The following CNTN5 variants were observed in gnomAD, a reference collection of about 807,000 sequenced individuals.
The protein encoded by CNTN5 is contactin-5.
A neutral mutation model predicts 129.1 loss-of-function variants in CNTN5; 77 were observed. The observed-to-expected ratio is 0.60, with a 90% CI of 0.50 to 0.72. The LOEUF (loss-of-function observed/expected upper bound fraction) is 0.72. CNTN5 is among the 30% of genes least tolerant of loss of function. The pLI is 0.00. For missense variants in CNTN5, 1,478 were observed against 1,328.8 expected (o/e 1.11, Z -1.75); for synonymous variants, 509 against 465.6 (o/e 1.09, Z -1.20).
In CNTN5 at chr11:99,070,927, A is replaced by G. The variant is rs556381524; in HGVS notation, c.-210+49657A>G. ...AGCTGACTCTCAACCTGGAATGAAC[A>G]TGCAAATCATCTGTAAATCTTTCTA... On this transcript the variant is annotated intron_variant, in intron 1 of 24. Transcript: ENST00000524871. 6.6e-5 allele frequency among the ~76,000 whole-genome samples: 10 copies of G among 152,300 alleles called. 1 individual carries two copies. The highest frequency in any genetic ancestry group is 1.9e-4 in the African/African-American group (8 of 41,572).
chr11:99,260,201 T>C (rs1862564654), intron 1 of CNTN5, among the ~76,000 whole-genome samples: 2 of 151,814 alleles, frequency 1.3e-5, no homozygotes, highest in Non-Finnish European at 2.9e-5. Flanking sequence ...TCTATTAATT[T>C]ATTGTTTACA....
At chr11:99,465,828 G>A (rs111470605) in intron 2 of CNTN5, among the ~76,000 whole-genome samples, 1,794 of 150,770 alleles carry the variant, frequency 0.012, 38 homozygotes, top group African/African-American at 0.041. Flanking sequence ...CATGTCTTAC[G>A]TGGCCGGAAC....
At chr11:99,985,070 G>A (rs140465693) in intron 8 of CNTN5, among the ~76,000 whole-genome samples, 83 of 152,170 alleles carry the variant, frequency 5.5e-4, no homozygotes, top group African/African-American at 1.5e-3. Context: ...TGACTTCTTC[G>A]CTCCACTACC....
chr11:99,322,313 T>C (rs1228707818), intron 1 of CNTN5, among the ~76,000 whole-genome samples: 1 of 152,258 alleles, frequency 6.6e-6, no homozygotes, highest in East Asian at 1.9e-4. Context: ...CGTCTTCTTA[T>C]AAGAGCACCA....
At chr11:99,495,420 A>G (rs1946188571) in intron 2 of CNTN5, among the ~76,000 whole-genome samples, 1 of 152,148 alleles carries the variant, frequency 6.6e-6, no homozygotes, top group African/African-American at 2.4e-5. Flanking sequence ...AAACTAAGCC[A>G]TTTGCCGTGT....
chr11:99,916,790 T>C (rs1949801251), intron 7 of CNTN5, among the ~76,000 whole-genome samples: 1 of 152,096 alleles, frequency 6.6e-6, no homozygotes, highest in Non-Finnish European at 1.5e-5. Flanking sequence ...TAATTTGAGA[T>C]GAGTACTCCT....
intron 6 of CNTN5, among the ~76,000 whole-genome samples, chr11:99,893,001 G>A (rs1341716042): frequency 2.0e-5 from 3 of 152,052 alleles, no homozygotes; most frequent in East Asian, 3.9e-4. Context: ...TATTGCATGA[G>A]CATTAAGTGC....
intron 3 of CNTN5, among the ~76,000 whole-genome samples, chr11:99,744,463 G>C (rs1259038691): frequency 6.7e-6 from 1 of 149,054 alleles, no homozygotes; most frequent in African/African-American, 2.5e-5. Flanking sequence ...CACTTTGGAG[G>C]GTGAGGCAAC....
chr11:99,902,306 C>A (rs1252856376), intron 6 of CNTN5, among the ~76,000 whole-genome samples: 2 of 150,200 alleles, frequency 1.3e-5, no homozygotes, highest in Non-Finnish European at 3.0e-5. Flanking sequence ...CACTTCATCA[C>A]ATGTTAAAAT....
intron 1 of CNTN5, among the ~76,000 whole-genome samples, chr11:99,158,362 C>G (rs572542666): frequency 9.2e-4 from 140 of 152,248 alleles, no homozygotes; most frequent in Non-Finnish European, 1.7e-3. Context: ...ACAGCTCTCT[C>G]CCTCTCTCGT....
chr11:99,102,754 C>T (rs992092360), intron 1 of CNTN5, among the ~76,000 whole-genome samples: 3 of 152,172 alleles, frequency 2.0e-5, no homozygotes, highest in African/African-American at 7.2e-5. Context: ...AATTTTATCA[C>T]ATTTTTCTGT....
At chr11:99,728,648 C>G (rs1001604418) in intron 3 of CNTN5, among the ~76,000 whole-genome samples, 4 of 152,168 alleles carry the variant, frequency 2.6e-5, no homozygotes, top group Non-Finnish European at 2.9e-5. Flanking sequence ...TGCTTGTTCT[C>G]CTCAGATGGT....
At chr11:99,311,336 A>AATGT (rs1490806594) in intron 1 of CNTN5, among the ~76,000 whole-genome samples, 1 of 152,110 alleles carries the variant, frequency 6.6e-6, no homozygotes, top group African/African-American at 2.4e-5. Flanking sequence ...CAAATACTTT[A>AATGT]ATGTCCATAT....
In CNTN5 at chr11:99,644,815, A is replaced by AG. The variant is rs201375135; in HGVS notation, c.55+88548dup. On this transcript the variant is annotated intron_variant, in intron 3 of 24. Transcript: ENST00000524871. The stretch of plus-strand genomic sequence containing the variant: ...CTGATACTCAAAGAATAAACACTAA[A>AG]GGAACTATACAACAGGATTCCTTTT... 5.0e-3 allele frequency among the ~76,000 whole-genome samples: 761 copies of AG among 152,308 alleles called. 6 individuals carry two copies. Among genetic ancestry groups the AG allele is most frequent in the African/African-American group, 0.017 (710 of 41,566 alleles).
chr11:99,057,481 C>G (rs960184003), intron 1 of CNTN5, among the ~76,000 whole-genome samples: 1 of 151,756 alleles, frequency 6.6e-6, no homozygotes, highest in Non-Finnish European at 1.5e-5. Context: ...AAGAAAACTG[C>G]TTTATCCTAC....
At chr11:99,787,125 T>C (rs187101179) in intron 3 of CNTN5, among the ~76,000 whole-genome samples, 488 of 150,892 alleles carry the variant, frequency 3.2e-3, no homozygotes, top group African/African-American at 0.011. Flanking sequence ...TATTTATTAT[T>C]ATTATTATAC....
At chr11:99,256,861 G>T (rs1280459381) in intron 1 of CNTN5, among the ~76,000 whole-genome samples, 1 of 151,912 alleles carries the variant, frequency 6.6e-6, no homozygotes, top group African/African-American at 2.4e-5. Flanking sequence ...AATCACACAT[G>T]AACTCTCCTT....
At chr11:99,253,185 G>C (rs1274383225) in intron 1 of CNTN5, among the ~76,000 whole-genome samples, 1 of 151,976 alleles carries the variant, frequency 6.6e-6, no homozygotes, top group East Asian at 1.9e-4. Context: ...TAAGTCTCAC[G>C]AGATTTGTTG....
At chr11:99,423,545 G>T (rs907845523) in intron 2 of CNTN5, among the ~76,000 whole-genome samples, 2 of 152,118 alleles carry the variant, frequency 1.3e-5, no homozygotes, top group African/African-American at 4.8e-5. Context: ...AAATGGGAAC[G>T]GAGGAAAATC....
Sources: gnomAD v4.1 joint callset for allele counts (sites outside exome capture counted in the v4.1 genomes callset) on GRCh38, gnomAD v4.1.1 for gene constraint, MANE v1.5 for transcripts, NCBI Gene and HGNC (gene_info 2026-07-23, HGNC 2026-07-21) for gene names.